Variants in G3BP1 observed in about 807,000 individuals in gnomAD.
G3BP1 encodes ras GTPase-activating protein-binding protein 1.
G3BP1 carries 35 observed loss-of-function variants against 58.6 expected under a neutral mutation model. The observed-to-expected ratio is 0.60, with a 90% CI of 0.46 to 0.79. The LOEUF (loss-of-function observed/expected upper bound fraction) is 0.79. Ranked by LOEUF, G3BP1 falls within the 30% of genes least tolerant of loss-of-function variation. G3BP1 has a pLI of 0.00. For missense variants in G3BP1, 523 were observed against 580.8 expected, an observed-to-expected ratio of 0.90 and a Z score of 1.02; for synonymous variants, 191 against 195.4, an observed-to-expected ratio of 0.98 and a Z score of 0.19.
intron 1 of G3BP1, among the ~76,000 whole-genome samples, chr5:151,784,213 A>G (rs1762519788): frequency 6.6e-6 from 1 of 152,192 alleles, no homozygotes; most frequent in African/African-American, 2.4e-5. Context: ...CTCGTGCCCC[A>G]GCCACCTGAG....
chr5:151,772,671 G>C (rs1018888447), intron 1 of G3BP1: 1 of 152,364 alleles, frequency 6.6e-6, no homozygotes, highest in Non-Finnish European at 1.5e-5. Flanking sequence ...CTGGCGAGGT[G>C]GGTACGGCTA....
intron 3 of G3BP1, 75 bp from the exon 4 acceptor site, chr5:151,790,813 GT>G (rs952115637): frequency 2.0e-5 from 17 of 833,706 alleles, no homozygotes; most frequent in Admixed American, 2.5e-5. Context: ...GTGTTGGAAG[GT>G]TTTTTTTAGT....
rs949890460 is a variant in G3BP1 at position 151,806,964 on chromosome 5, G to A, written c.*2873G>A. On this transcript the variant is annotated 3_prime_UTR_variant, in exon 12 of 12. Transcript: ENST00000356245. ...AGTTAGATAAGATTTGTTTGGTTCA[G>A]TGGGTCTTAGTTTTTTAAGACCTGT... The A allele has an allele frequency of 2.6e-5, 4 of 152,122 alleles. No individual in the cohort carries two copies. Among genetic ancestry groups the A allele is most frequent in the African/African-American group, 9.7e-5 (4 of 41,420 alleles). 9.4% of individuals were successfully genotyped at this position (152,122 alleles called of 1,614,324 possible). A position where few individuals can be genotyped will look rare whatever the true frequency, so the allele number is the denominator to read the frequency against.
rs1763022298 is a variant in G3BP1 at position 151,811,798 on chromosome 5, G to C, written c.*7707G>C. 1 of 152,080 alleles carries C rather than the reference G, an allele frequency of 6.6e-6. No individual in the cohort carries two copies. The highest frequency in any genetic ancestry group is 1.5e-5 in the Non-Finnish European group (1 of 68,018). 9.4% of individuals were successfully genotyped at this position (152,080 alleles called of 1,614,324 possible). ...GATTGCTTAACACGCTGCTTAAGGT[G>C]GTAGCCAGACAAATCCTTAACTGCA... On this transcript the variant is annotated 3_prime_UTR_variant, in exon 12 of 12. Coordinates refer to ENST00000356245, the MANE Select transcript of G3BP1 (RefSeq NM_005754.3).
In G3BP1 at chr5:151,786,569, C is replaced by T. The variant is rs1762557843; in HGVS notation, c.-49-3C>T. 9.0e-7 allele frequency: 1 copy of T among 1,111,714 alleles called. No individual in the cohort carries two copies. The highest frequency in any genetic ancestry group is 1.4e-6 in the Non-Finnish European group (1 of 722,412). 68.9% of individuals were successfully genotyped at this position (1,111,714 alleles called of 1,614,324 possible). A position where few individuals can be genotyped will look rare whatever the true frequency, so the allele number is the denominator to read the frequency against. On this transcript the variant is annotated splice_polypyrimidine_tract_variant and splice_region_variant and intron_variant, in intron 1 of 11. Coordinates refer to ENST00000356245, the MANE Select transcript of G3BP1 (RefSeq NM_005754.3). ...GTCTTTTCCCCTGTGTTTGATCCTT[C>T]AGGTTTGGACATATTTGACTCTTTT... is the stretch of plus-strand genomic sequence containing the variant.
rs1762974034 is a variant in G3BP1 at position 151,808,887 on chromosome 5, C to G, written c.*4796C>G. The G allele has an allele frequency of 6.6e-6, 1 of 152,010 alleles. No individual in the cohort carries two copies. The highest frequency in any genetic ancestry group is 6.6e-5 in the Admixed American group (1 of 15,262). The allele number at this position is 152,010 out of a possible 1,614,324, so 9.4% of individuals were successfully genotyped here. A position where few individuals can be genotyped will look rare whatever the true frequency, so the allele number is the denominator to read the frequency against. On this transcript the variant is annotated 3_prime_UTR_variant, in exon 12 of 12. Coordinates refer to ENST00000356245, the MANE Select transcript of G3BP1 (RefSeq NM_005754.3). Reference sequence around the variant, plus strand: ...TTTTAACTATTGCTGAAGTTAAAATCACTTTGGGGTGGGGTGGGGTGGCTC... The same window carrying G: ...TTTTAACTATTGCTGAAGTTAAAATGACTTTGGGGTGGGGTGGGGTGGCTC...
At chr5:151,791,104 A>G (rs1373653986) in intron 4 of G3BP1, 42 bp downstream of exon 4, 11 of 1,483,986 alleles carry the variant, frequency 7.4e-6, no homozygotes, top group Non-Finnish European at 9.4e-6. Context: ...CCAATACATG[A>G]AAAAAGAAAC....
At chr5:151,787,259 AAG>A (rs1762569063) in intron 2 of G3BP1, 1 of 152,390 alleles carries the variant, frequency 6.6e-6, no homozygotes, top group Non-Finnish European at 1.5e-5. Flanking sequence ...ATTATTTACT[AAG>A]AATGTATTAA....
chr5:151,806,240 A>G lies in G3BP1; in HGVS notation c.*2149A>G, dbSNP rs1762936957. 6.6e-6 allele frequency: 1 copy of G among 152,234 alleles called. No homozygotes were observed. The highest frequency in any genetic ancestry group is 6.5e-5 in the Admixed American group (1 of 15,286). The allele number at this position is 152,234 out of a possible 1,614,324, so 9.4% of individuals were successfully genotyped here. The stretch of plus-strand genomic sequence containing the variant: ...TCATTCTTTTGAAACTCAGCCTCAG[A>G]TAAATAACAAACTAGGAAATGGAAA... On this transcript the variant is annotated 3_prime_UTR_variant, in exon 12 of 12. Coordinates refer to ENST00000356245, the MANE Select transcript of G3BP1 (RefSeq NM_005754.3).
Position 151,812,618 on chromosome 5 carries a change from C to G in G3BP1, c.*8527C>G, listed in dbSNP as rs1763032459. The G allele has an allele frequency of 6.6e-6, 1 of 152,270 alleles. No individual in the cohort carries two copies. Among genetic ancestry groups the G allele is most frequent in the Admixed American group, 6.5e-5 (1 of 15,274 alleles). The allele number at this position is 152,270 out of a possible 1,614,324, so 9.4% of individuals were successfully genotyped here. ...GGGTGGGACTCTGAGATTGCACACTCTTGCCCTGTTGGCAGAAACTAGCCC... is the reference window on the plus strand; with the variant it reads ...GGGTGGGACTCTGAGATTGCACACTGTTGCCCTGTTGGCAGAAACTAGCCC... On this transcript the variant is annotated 3_prime_UTR_variant, in exon 12 of 12. Transcript: ENST00000356245.
At position 151,790,329 on chromosome 5, in the gene G3BP1, T is replaced by C; in HGVS notation, c.102T>C (p.Tyr34=). The C allele has an allele frequency of 6.5e-7, 1 of 1,534,140 alleles. No individual in the cohort carries two copies. The highest frequency in any genetic ancestry group is 8.9e-7 in the Non-Finnish European group (1 of 1,126,610). Residue 34 remains tyrosine, a synonymous_variant, in exon 3 of 12, where the codon TAT becomes TAC. Transcript: ENST00000356245. ...NQAPDMLHRF[Y]GKNSSYVHGG... ...TCATCTTCCCATTTTACAGATTTTATGGAAAGAACTCTTCTTATGTCCATG... is the reference window on the plus strand; with the variant it reads ...TCATCTTCCCATTTTACAGATTTTACGGAAAGAACTCTTCTTATGTCCATG...
At position 151,797,249 on chromosome 5, in the gene G3BP1, G is replaced by C. The variant is rs1254518402; in HGVS notation, c.562G>C (p.Glu188Gln). The change falls in exon 7 of 12, where the codon GAG becomes CAG. Residue 188 changes from glutamate to glutamine, a missense_variant. This residue lies in a region of G3BP1 where 398 missense variants were observed against 399.1 expected (regional missense o/e 1.00). Transcript: ENST00000356245. ...AAGTAATGACATGGAAGAACATTTA[G>C]AGGAGCCTGTTGCTGAACCAGAGCC... Reference protein sequence around the residue: ...VVSNDMEEHLEEPVAEPEPDP... With the variant: ...VVSNDMEEHLQEPVAEPEPDP... 1 of 1,613,424 alleles carries C rather than the reference G, an allele frequency of 6.2e-7. No homozygotes were observed.
intron 11 of G3BP1, among the ~76,000 whole-genome samples, chr5:151,801,855 C>G (rs1408890149): frequency 6.6e-6 from 1 of 151,734 alleles, no homozygotes; most frequent in Non-Finnish European, 1.5e-5. Flanking sequence ...CTCTCTGCCA[C>G]CCAGGCTGGA....
intron 1 of G3BP1, among the ~76,000 whole-genome samples, chr5:151,783,717 G>A (rs1251630968): frequency 1.3e-5 from 2 of 151,698 alleles, no homozygotes; most frequent in Non-Finnish European, 2.9e-5. Flanking sequence ...AAAATTACTC[G>A]CTAAACTTTC....
intron 1 of G3BP1, among the ~76,000 whole-genome samples, chr5:151,779,495 TC>T (rs1762430821): frequency 6.6e-6 from 1 of 152,258 alleles, no homozygotes; most frequent in Non-Finnish European, 1.5e-5. Context: ...TGAACTCCAT[TC>T]TGTTTCATGG....
At chr5:151,789,013 G>A (rs1762601565) in intron 2 of G3BP1, among the ~76,000 whole-genome samples, 1 of 152,138 alleles carries the variant, frequency 6.6e-6, no homozygotes, top group African/African-American at 2.4e-5. Flanking sequence ...GACTTCAGGT[G>A]ATCCGCCCAC....
Position 151,786,569 on chromosome 5 carries a change from C to A in G3BP1, c.-49-3C>A. The A allele has an allele frequency of 9.0e-7, 1 of 1,111,710 alleles. No individual in the cohort carries two copies. The highest frequency in any genetic ancestry group is 1.2e-5 in the South Asian group (1 of 80,636). 68.9% of individuals were successfully genotyped at this position (1,111,710 alleles called of 1,614,324 possible). A position where few individuals can be genotyped will look rare whatever the true frequency, so the allele number is the denominator to read the frequency against. ...GTCTTTTCCCCTGTGTTTGATCCTT[C>A]AGGTTTGGACATATTTGACTCTTTT... On this transcript the variant is annotated splice_polypyrimidine_tract_variant and splice_region_variant and intron_variant, in intron 1 of 11. Coordinates refer to ENST00000356245, the MANE Select transcript of G3BP1 (RefSeq NM_005754.3).
rs1763017296 is a variant in G3BP1, at chr5:151,811,397, G to C, written c.*7306G>C. The stretch of plus-strand genomic sequence containing the variant: ...CGACATAAAGCCTTGTCTAAAGTGA[G>C]ATGTTTTCCAGGTCATACATAGGTT... On this transcript the variant is annotated 3_prime_UTR_variant, in exon 12 of 12. Transcript: ENST00000356245. 1 of 152,194 alleles carries C rather than the reference G, an allele frequency of 6.6e-6. No homozygotes were observed. The highest frequency in any genetic ancestry group is 2.4e-5 in the African/African-American group (1 of 41,452). The allele number at this position is 152,194 out of a possible 1,614,324, so 9.4% of individuals were successfully genotyped here. A position where few individuals can be genotyped will look rare whatever the true frequency, so the allele number is the denominator to read the frequency against.
intron 1 of G3BP1, among the ~76,000 whole-genome samples, chr5:151,779,279 T>C (rs918587628): frequency 6.6e-6 from 1 of 152,240 alleles, no homozygotes; most frequent in African/African-American, 2.4e-5. Flanking sequence ...AGTTCAGTTT[T>C]GGGTTTTACA....
Sources: allele counts gnomAD v4.1 joint callset (sites outside exome capture counted in the v4.1 genomes callset), GRCh38; gene constraint gnomAD v4.1.1; regional missense constraint gnomAD v4.1.1; transcripts MANE v1.5; gene names NCBI Gene and HGNC (gene_info 2026-07-23, HGNC 2026-07-21).